Variants in NXPH1 observed in about 807,000 individuals in gnomAD.
NXPH1 encodes the protein neurexophilin 1.
A neutral mutation model predicts 23.7 loss-of-function variants in NXPH1; 5 were observed. The observed-to-expected ratio is 0.21, with a 90% CI of 0.11 to 0.44. NXPH1 has a LOEUF of 0.44. NXPH1 is among the 20% of genes least tolerant of loss of function. The pLI, the probability that NXPH1 is intolerant of heterozygous loss-of-function variation, is 0.99. For synonymous variants in NXPH1, 144 were observed against 122.2 expected, an observed-to-expected ratio of 1.18 and a Z score of -1.18; for missense variants, 324 against 321.6, an observed-to-expected ratio of 1.01 and a Z score of -0.06.
chr7:8,752,191 G>T lies in NXPH1; in HGVS notation c.*422G>T. 5.8e-6 allele frequency: 1 copy of T among 171,946 alleles called. No homozygotes were observed. The highest frequency in any genetic ancestry group is 1.4e-4 in the South Asian group (1 of 6,996). 10.7% of individuals were successfully genotyped at this position (171,946 alleles called of 1,614,324 possible). A position where few individuals can be genotyped will look rare whatever the true frequency, so the allele number is the denominator to read the frequency against. ...TGCTGTTATGGAAATCTCTTTTAAA[G>T]TCTTGAGTACATGCTAATCAATAAT... is the stretch of plus-strand genomic sequence containing the variant. On this transcript the variant is annotated 3_prime_UTR_variant, in exon 3 of 3. Transcript: ENST00000405863.
intron 2 of NXPH1, among the ~76,000 whole-genome samples, chr7:8,600,048 A>G (rs7799636): frequency 0.09 from 13,701 of 151,792 alleles, 1,028 homozygotes; most frequent in East Asian, 0.2. Context: ...GGTGGAGGGT[A>G]TTTTCCAACA....
rs115803386 is a variant in NXPH1, at chr7:8,552,632, G to A, written c.54+116865G>A. ...GTTTTCACTCTAAAATGGGCAATCA[G>A]TTCTACAATTTAAAAATGTGCTATG... On this transcript the variant is annotated intron_variant, in intron 2 of 2. Coordinates refer to ENST00000405863, the MANE Select transcript of NXPH1 (RefSeq NM_152745.3). Among the ~76,000 whole-genome samples the A allele has an allele frequency of 1.8e-3, 277 of 151,632 alleles. 4 individuals carry two copies. Among genetic ancestry groups the A allele is most frequent in the African/African-American group, 6.2e-3 (259 of 41,468 alleles).
intron 2 of NXPH1, among the ~76,000 whole-genome samples, chr7:8,683,197 G>T (rs138931340): frequency 2.5e-4 from 38 of 152,278 alleles, no homozygotes; most frequent in African/African-American, 7.7e-4. Flanking sequence ...GAGATGTCAG[G>T]CTCTTTTAAA....
intron 2 of NXPH1, among the ~76,000 whole-genome samples, chr7:8,611,279 A>G (rs564856979): frequency 6.2e-4 from 94 of 152,196 alleles, no homozygotes; most frequent in Non-Finnish European, 1.1e-3. Flanking sequence ...CTTACCCCCA[A>G]GTTTCTCTCA....
At chr7:8,520,025 A>T (rs1169654562) in intron 2 of NXPH1, among the ~76,000 whole-genome samples, 2 of 152,120 alleles carry the variant, frequency 1.3e-5, no homozygotes, top group Non-Finnish European at 2.9e-5. Flanking sequence ...AAAATTATTT[A>T]TATAAAGATG....
chr7:8,736,961 T>C (rs866559770), intron 2 of NXPH1, among the ~76,000 whole-genome samples: 48 of 152,204 alleles, frequency 3.2e-4, no homozygotes, highest in African/African-American at 1.1e-3. Flanking sequence ...CTACCTTTTT[T>C]TTTTTATGCT....
chr7:8,445,959 A>G (rs1816397009), intron 2 of NXPH1, among the ~76,000 whole-genome samples: 1 of 152,214 alleles, frequency 6.6e-6, no homozygotes, highest in African/African-American at 2.4e-5. Flanking sequence ...AACCTCTTCA[A>G]CTGAACTTTA....
At chr7:8,518,125 AT>A (rs777737019) in intron 2 of NXPH1, among the ~76,000 whole-genome samples, 223 of 152,296 alleles carry the variant, frequency 1.5e-3, no homozygotes, top group Non-Finnish European at 2.3e-3. Flanking sequence ...GTGTAAAAAA[AT>A]ATTATTAGAT....
intron 2 of NXPH1, among the ~76,000 whole-genome samples, chr7:8,580,151 C>T (rs1416916804): frequency 1.3e-5 from 2 of 152,032 alleles, no homozygotes; most frequent in South Asian, 2.1e-4. Context: ...AGGATATGGA[C>T]GGGACTTATG....
At chr7:8,583,129 T>C (rs1818913673) in intron 2 of NXPH1, among the ~76,000 whole-genome samples, 1 of 152,232 alleles carries the variant, frequency 6.6e-6, no homozygotes, top group African/African-American at 2.4e-5. Context: ...TGCTCAAGTA[T>C]AGGCTGGATG....
chr7:8,743,796 G>A (rs1780420747), intron 2 of NXPH1, among the ~76,000 whole-genome samples: 1 of 151,288 alleles, frequency 6.6e-6, no homozygotes, highest in African/African-American at 2.4e-5. Context: ...CTGTTCTCCC[G>A]CCTCAGCCTC....
At chr7:8,733,991 G>GT (rs1459401512) in intron 2 of NXPH1, among the ~76,000 whole-genome samples, 4 of 151,972 alleles carry the variant, frequency 2.6e-5, no homozygotes, top group Admixed American at 6.6e-5. Context: ...GTATTCCAGG[G>GT]TTTTTATGGT....
intron 2 of NXPH1, among the ~76,000 whole-genome samples, chr7:8,535,694 GAGAT>G (rs1818015710): frequency 6.6e-6 from 1 of 151,966 alleles, no homozygotes; most frequent in Admixed American, 6.6e-5. Context: ...TAAGAAGAAA[GAGAT>G]AGAGAGTGAC....
chr7:8,543,848 T>A (rs543705701), intron 2 of NXPH1, among the ~76,000 whole-genome samples: 1 of 151,798 alleles, frequency 6.6e-6, no homozygotes, highest in South Asian at 2.1e-4. Context: ...GGTGTTTTAA[T>A]TTTTAATTTT....
intron 2 of NXPH1, among the ~76,000 whole-genome samples, chr7:8,618,839 A>C (rs1200865591): frequency 6.6e-6 from 1 of 152,190 alleles, no homozygotes; most frequent in Admixed American, 6.5e-5. Context: ...AATGTATGCT[A>C]AACACACTCT....
At chr7:8,666,826 T>C (rs1300038419) in intron 2 of NXPH1, among the ~76,000 whole-genome samples, 1 of 152,108 alleles carries the variant, frequency 6.6e-6, no homozygotes, top group Non-Finnish European at 1.5e-5. Flanking sequence ...TGATTGCTCA[T>C]AATAGTCTCT....
At chr7:8,542,426 A>AAATC (rs1818133017) in intron 2 of NXPH1, among the ~76,000 whole-genome samples, 1 of 151,696 alleles carries the variant, frequency 6.6e-6, no homozygotes, top group Admixed American at 6.6e-5. Context: ...TAAGCAAAAA[A>AAATC]AATCGTAAAC....
intron 2 of NXPH1, among the ~76,000 whole-genome samples, chr7:8,449,975 G>A (rs1180250549): frequency 6.6e-6 from 1 of 152,186 alleles, no homozygotes; most frequent in African/African-American, 2.4e-5. Flanking sequence ...TGGGACACAA[G>A]CATTTTAGGA....
At position 8,443,116 on chromosome 7, in the gene NXPH1, G is replaced by A. The variant is rs143363035; in HGVS notation, c.54+7349G>A. 2.3e-3 allele frequency among the ~76,000 whole-genome samples: 352 copies of A among 152,288 alleles called. 3 individuals carry two copies. The Middle Eastern group carries it at 0.034, about 15-fold the overall frequency. On this transcript the variant is annotated intron_variant, in intron 2 of 2. Coordinates refer to ENST00000405863, the MANE Select transcript of NXPH1 (RefSeq NM_152745.3). ...GCAGATACCTCCTCAAGGCCCGCTC[G>A]CGACTGTGACGACCCGCCTACCCCT...
Sources: allele counts gnomAD v4.1 joint callset (sites outside exome capture counted in the v4.1 genomes callset), GRCh38; gene constraint gnomAD v4.1.1; transcripts MANE v1.5; gene names NCBI Gene and HGNC (gene_info 2026-07-23, HGNC 2026-07-21).